PLCZ1: variants seen among roughly 807,000 people sequenced by gnomAD.
PLCZ1 encodes the protein 1-phosphatidylinositol 4,5-bisphosphate phosphodiesterase zeta-1.
Under a neutral mutation model 76.8 loss-of-function variants are expected in PLCZ1, and 64 were observed. The ratio of observed to expected loss-of-function variants is 0.83; its 90% CI spans 0.68 to 1.03. The LOEUF is 1.03. Among genes scored for constraint, PLCZ1 ranks in the 50% least tolerant of loss-of-function variants. The pLI is 0.00. For missense variants in PLCZ1, 751 were observed against 713.7 expected (o/e 1.05, Z -0.60); for synonymous variants, 248 against 230.8 (o/e 1.07, Z -0.68).
downstream of PLCZ1, among the ~76,000 whole-genome samples, chr12:18,679,384 A>G (rs900370170): frequency 6.6e-6 from 1 of 152,014 alleles, no homozygotes; most frequent in African/African-American, 2.4e-5. Flanking sequence ...GACTACAAAG[A>G]TATTCTATCT....
the PLCZ1 span, among the ~76,000 whole-genome samples, chr12:18,651,841 C>A: frequency 6.6e-6 from 1 of 152,108 alleles, no homozygotes; most frequent in East Asian, 1.9e-4. Context: ...ATGAGGCAAC[C>A]ACAGGGCAGG....
the PLCZ1 span, among the ~76,000 whole-genome samples, chr12:18,677,961 T>C: frequency 6.6e-6 from 1 of 152,110 alleles, no homozygotes; most frequent in Non-Finnish European, 1.5e-5. Flanking sequence ...TGCACATAAA[T>C]GTATTTCAAT....
the PLCZ1 span, among the ~76,000 whole-genome samples, chr12:18,649,923 C>T: frequency 2.0e-4 from 31 of 152,162 alleles, no homozygotes; most frequent in Admixed American, 1.4e-3. Flanking sequence ...TGCTCCTCTC[C>T]ACCACCTCCA....
the PLCZ1 span, among the ~76,000 whole-genome samples, chr12:18,657,422 A>G: frequency 6.6e-6 from 1 of 151,744 alleles, no homozygotes; most frequent in African/African-American, 2.4e-5. Context: ...TGAAAGCACA[A>G]ATGAAGACTA....
intron 13 of PLCZ1, among the ~76,000 whole-genome samples, chr12:18,685,842 ACG>A (rs138443494): frequency 0.45 from 64,641 of 144,966 alleles, 14,438 homozygotes; most frequent in East Asian, 0.57. Flanking sequence ...ACACACACAC[ACG>A]CGCACACACA....
chr12:18,686,251 A>T (rs530545916), intron 13 of PLCZ1, among the ~76,000 whole-genome samples: 3 of 152,084 alleles, frequency 2.0e-5, no homozygotes, highest in Non-Finnish European at 4.4e-5. Context: ...CTTCTTCTCA[A>T]ATCTGCAGAA....
rs567596662 is a variant in PLCZ1 at position 18,690,756 on chromosome 12, G to C, written c.1462-2538C>G. 4.6e-5 allele frequency among the ~76,000 whole-genome samples: 7 copies of C among 152,196 alleles called. No homozygotes were observed. The South Asian group carries it at 1.5e-3, about 32-fold the overall frequency. On this transcript the variant is annotated intron_variant, in intron 12 of 14. Coordinates refer to ENST00000266505, the MANE Select transcript of PLCZ1 (RefSeq NM_033123.4). ...AGTCAAAATGAAATAGGCAGGTAAGGCTGAAAGAATGCTCTAGTCACAGGA... is the reference window on the plus strand; with the variant it reads ...AGTCAAAATGAAATAGGCAGGTAAGCCTGAAAGAATGCTCTAGTCACAGGA...
At chr12:18,717,941 T>C (rs1958168111) in intron 5 of PLCZ1, among the ~76,000 whole-genome samples, 1 of 152,160 alleles carries the variant, frequency 6.6e-6, no homozygotes, top group Admixed American at 6.5e-5. Context: ...TATGAGATAC[T>C]CCGTCGCACG....
intron 9 of PLCZ1, 91 bp from the exon 10 acceptor site, chr12:18,700,041 T>C: frequency 9.4e-7 from 1 of 1,064,540 alleles, no homozygotes; most frequent in Non-Finnish European, 1.4e-6. Context: ...TTCAAACAAA[T>C]GATTTTCATC....
the PLCZ1 span, among the ~76,000 whole-genome samples, chr12:18,647,475 C>T: frequency 6.6e-6 from 1 of 151,544 alleles, no homozygotes; most frequent in Admixed American, 6.6e-5. Flanking sequence ...AAATAGTCTG[C>T]TTTTCCTCAT....
At chr12:18,700,335 T>C (rs1201884030) in intron 9 of PLCZ1, among the ~76,000 whole-genome samples, 1 of 151,922 alleles carries the variant, frequency 6.6e-6, no homozygotes, top group Non-Finnish European at 1.5e-5. Context: ...CTGGCATCTA[T>C]TTCTTTTACA....
At chr12:18,700,118 A>G (rs1175987428) in intron 9 of PLCZ1, among the ~76,000 whole-genome samples, 168 bp from the exon 10 acceptor site, 1 of 152,186 alleles carries the variant, frequency 6.6e-6, no homozygotes, top group Non-Finnish European at 1.5e-5. Flanking sequence ...GGGAACAAAA[A>G]AATATTTAAT....
At chr12:18,688,059 G>C (rs770876015) in intron 13 of PLCZ1, 30 bp downstream of exon 13, 4 of 1,606,498 alleles carry the variant, frequency 2.5e-6, no homozygotes, top group Non-Finnish European at 3.4e-6. Context: ...AAGTCTAATG[G>C]AAATTCAATA....
At chr12:18,697,104 AT>A (rs1461389332) in intron 10 of PLCZ1, among the ~76,000 whole-genome samples, 1 of 151,890 alleles carries the variant, frequency 6.6e-6, no homozygotes, top group Non-Finnish European at 1.5e-5. Context: ...TTCTCCAAGG[AT>A]TTTCTTTTTT....
rs540327076 is a variant in PLCZ1 at position 18,692,666 on chromosome 12, T to C, written c.1461+2244A>G. 21 of 657,262 alleles carry C rather than the reference T, an allele frequency of 3.2e-5. No homozygotes were observed. The African/African-American group carries it at 3.7e-4, about 12-fold the overall frequency. The allele number at this position is 657,262 out of a possible 1,614,324, so 40.7% of individuals were successfully genotyped here. On this transcript the variant is annotated intron_variant, in intron 12 of 14. Coordinates refer to ENST00000266505, the MANE Select transcript of PLCZ1 (RefSeq NM_033123.4). ...CTAATTATGCAGGAGAAAAAAATCA[T>C]TTCTACATTGAAATCAGTAAAGAAC... is the stretch of plus-strand genomic sequence containing the variant.
At chr12:18,690,261 C>A (rs954899540) in intron 12 of PLCZ1, among the ~76,000 whole-genome samples, 1 of 152,076 alleles carries the variant, frequency 6.6e-6, no homozygotes, top group South Asian at 2.1e-4. Flanking sequence ...TTGGCTCTTG[C>A]TACCCAAGCT....
intron 13 of PLCZ1, among the ~76,000 whole-genome samples, chr12:18,687,861 TTTG>T (rs1378795649): frequency 2.0e-5 from 3 of 152,002 alleles, no homozygotes; most frequent in Non-Finnish European, 4.4e-5. Flanking sequence ...AAGCAATAAT[TTTG>T]AAGGTCAGGT....
the PLCZ1 span, among the ~76,000 whole-genome samples, chr12:18,664,537 T>C: frequency 6.6e-6 from 1 of 152,146 alleles, no homozygotes; most frequent in Non-Finnish European, 1.5e-5. Context: ...TAAAGTATGA[T>C]TCTATTTATA....
At chr12:18,731,711 C>T (rs1184208347) in intron 3 of PLCZ1, among the ~76,000 whole-genome samples, 1 of 151,904 alleles carries the variant, frequency 6.6e-6, no homozygotes, top group Non-Finnish European at 1.5e-5. Flanking sequence ...TTTCAAAAAA[C>T]AAAATCATAC....
Sources: gnomAD v4.1 joint callset for allele counts (sites outside exome capture counted in the v4.1 genomes callset) on GRCh38, gnomAD v4.1.1 for gene constraint, MANE v1.5 for transcripts, NCBI Gene and HGNC (gene_info 2026-07-23, HGNC 2026-07-21) for gene names.